Variants in SYNJ2 observed in about 807,000 individuals in gnomAD.
SYNJ2 encodes the protein polyphosphatidylinositol phosphatase SYNJ2.
SYNJ2 carries 116 observed loss-of-function variants against 141.3 expected under a neutral mutation model. That is an observed-to-expected ratio of 0.82 (90% CI 0.71 to 0.96). The LOEUF is 0.96. Among genes scored for constraint, SYNJ2 ranks in the 40% least tolerant of loss-of-function variants. The pLI is 0.00. For synonymous variants in SYNJ2, 745 were observed against 777.7 expected, an observed-to-expected ratio of 0.96 and a Z score of 0.70; for missense variants, 1,873 against 1,934.8, an observed-to-expected ratio of 0.97 and a Z score of 0.60.
chr6:158,010,991 G>A (rs1050868528), intron 1 of SYNJ2, among the ~76,000 whole-genome samples: 1 of 148,394 alleles, frequency 6.7e-6, no homozygotes, highest in African/African-American at 2.5e-5. Flanking sequence ...GTGATGATGG[G>A]AGGACATGTG....
In SYNJ2 at chr6:157,987,337, G is replaced by A. The variant is rs547548653; in HGVS notation, c.127+5249G>A. 1.4e-4 allele frequency among the ~76,000 whole-genome samples: 21 copies of A among 152,222 alleles called. No individual in the cohort carries two copies. The South Asian group carries it at 2.5e-3, about 18-fold the overall frequency. Reference sequence around the variant, plus strand: ...TGGGGTACAAAGTGATCATATATGTGTACAATGTGGAATGATTAAATCAAG... The same window carrying A: ...TGGGGTACAAAGTGATCATATATGTATACAATGTGGAATGATTAAATCAAG... On this transcript the variant is annotated intron_variant, in intron 1 of 26. Transcript: ENST00000355585.
chr6:158,057,585 T>C (rs1445165434), intron 6 of SYNJ2, among the ~76,000 whole-genome samples: 2 of 152,238 alleles, frequency 1.3e-5, no homozygotes, highest in African/African-American at 4.8e-5. Context: ...AGTTTGGGGT[T>C]GGGACAGCAT....
At chr6:158,066,666 T>A in intron 12 of SYNJ2, 31 bp downstream of exon 12, 1 of 1,608,228 alleles carries the variant, frequency 6.2e-7, no homozygotes, top group Non-Finnish European at 8.5e-7. Flanking sequence ...GGAGACAAAA[T>A]CCAATTGCAC....
intron 26 of SYNJ2, 143 bp downstream of exon 26, chr6:158,093,247 A>G: frequency 2.2e-6 from 2 of 890,036 alleles, no homozygotes; most frequent in Non-Finnish European, 1.7e-6. Context: ...CAGCCTGACC[A>G]ACATGGTGTG....
At chr6:158,011,939 T>C (rs908257010) in intron 1 of SYNJ2, among the ~76,000 whole-genome samples, 2 of 152,186 alleles carry the variant, frequency 1.3e-5, no homozygotes, top group Non-Finnish European at 2.9e-5. Flanking sequence ...TTTATTGCAT[T>C]TATCAGTTTA....
intron 25 of SYNJ2, 115 bp downstream of exon 25, chr6:158,090,062 A>G: frequency 1.5e-6 from 1 of 679,790 alleles, no homozygotes; most frequent in Non-Finnish European, 2.6e-6. Context: ...AGGCAATATT[A>G]AATGAAAACA....
At chr6:158,060,757 C>T (rs768190557) in intron 7 of SYNJ2, among the ~76,000 whole-genome samples, 7 of 152,218 alleles carry the variant, frequency 4.6e-5, no homozygotes, top group South Asian at 2.1e-4. Flanking sequence ...AGTCCTTTTC[C>T]CCTATGCCTT....
chr6:158,033,911 T>C (rs1032567184), intron 4 of SYNJ2, among the ~76,000 whole-genome samples: 2 of 152,252 alleles, frequency 1.3e-5, no homozygotes, highest in Admixed American at 1.3e-4. Context: ...GGGAAAATGC[T>C]GCTTAGCCGA....
At chr6:158,073,158 A>G (rs1032119723) in intron 15 of SYNJ2, among the ~76,000 whole-genome samples, 2 of 151,708 alleles carry the variant, frequency 1.3e-5, no homozygotes, top group Non-Finnish European at 2.9e-5. Context: ...GTTCTTTTCT[A>G]CCATAAAAAT....
At chr6:157,998,240 A>G (rs942982850) in intron 1 of SYNJ2, among the ~76,000 whole-genome samples, 2 of 152,336 alleles carry the variant, frequency 1.3e-5, no homozygotes, top group Non-Finnish European at 2.9e-5. Context: ...TGGGTCCCCA[A>G]GGAGCCAGAA....
intron 1 of SYNJ2, among the ~76,000 whole-genome samples, chr6:157,990,075 G>T (rs902536121): frequency 3.3e-5 from 5 of 152,228 alleles, no homozygotes; most frequent in African/African-American, 1.2e-4. Flanking sequence ...GGCCCGCGAG[G>T]CTGGCAGGCT....
rs1407476178 is a variant in SYNJ2, at chr6:158,096,528, T to C, written c.*164T>C. Reference sequence around the variant, plus strand: ...AAATCGTGTCTCTTATTCAGTAAGATGGTTACTCAGCCACCAAAATATATT... The same window carrying C: ...AAATCGTGTCTCTTATTCAGTAAGACGGTTACTCAGCCACCAAAATATATT... On this transcript the variant is annotated 3_prime_UTR_variant, in exon 27 of 27. Coordinates refer to ENST00000355585, the MANE Select transcript of SYNJ2 (RefSeq NM_003898.4). The C allele has an allele frequency of 8.2e-6, 6 of 729,718 alleles. No individual in the cohort carries two copies. In the Admixed American group the frequency reaches 1.7e-4, roughly 21 times the overall value. 45.2% of individuals were successfully genotyped at this position (729,718 alleles called of 1,614,324 possible).
Position 158,079,807 on chromosome 6 carries a change from AG to A in SYNJ2, c.2568-1298del, listed in dbSNP as rs200958580. Among the ~76,000 whole-genome samples, 1,517 of 152,314 alleles carry A rather than the reference AG, an allele frequency of 1.0e-2. 28 individuals carry two copies. Among genetic ancestry groups the A allele is most frequent in the African/African-American group, 0.034 (1,419 of 41,560 alleles). ...ACCTTAATTTAACCAATATTTCTTG[AG>A]GGGCCCTTACATGCCAGGCCCTGTT... On this transcript the variant is annotated intron_variant, in intron 18 of 26. Coordinates refer to ENST00000355585, the MANE Select transcript of SYNJ2 (RefSeq NM_003898.4).
At chr6:158,000,268 C>T (rs1346335112) in intron 1 of SYNJ2, among the ~76,000 whole-genome samples, 1 of 151,974 alleles carries the variant, frequency 6.6e-6, no homozygotes, top group African/African-American at 2.4e-5. Flanking sequence ...GGCCTCTGTA[C>T]GTAAGAGCAG....
intron 15 of SYNJ2, among the ~76,000 whole-genome samples, chr6:158,072,350 G>A (rs3003556): frequency 0.52 from 79,090 of 152,114 alleles, 20,856 homozygotes; most frequent in East Asian, 0.63. Flanking sequence ...GTGGCGGTCC[G>A]GAGGGTTTCA....
At chr6:158,067,502 G>A in intron 12 of SYNJ2, 1 of 985,472 alleles carries the variant, frequency 1.0e-6, no homozygotes, top group Non-Finnish European at 1.2e-6. Context: ...CCAGAACTTA[G>A]GATCTGAAGA....
chr6:158,042,788 C>T (rs1288531431), intron 4 of SYNJ2, among the ~76,000 whole-genome samples: 1 of 152,178 alleles, frequency 6.6e-6, no homozygotes, highest in African/African-American at 2.4e-5. Flanking sequence ...GGGCCAGGAC[C>T]AAGTACAAGA....
intron 5 of SYNJ2, among the ~76,000 whole-genome samples, chr6:158,052,512 C>G (rs1378586397): frequency 6.6e-6 from 1 of 152,128 alleles, no homozygotes; most frequent in East Asian, 1.9e-4. Flanking sequence ...TGGGGAGGGT[C>G]TCAGGAAGCT....
chr6:157,999,861 C>G (rs2128319208), intron 1 of SYNJ2, among the ~76,000 whole-genome samples: 1 of 152,286 alleles, frequency 6.6e-6, no homozygotes, highest in Admixed American at 6.5e-5. Flanking sequence ...GACCTGTTCT[C>G]TTTCGAGCCG....
Sources: gnomAD v4.1 joint callset for allele counts (sites outside exome capture counted in the v4.1 genomes callset) on GRCh38, gnomAD v4.1.1 for gene constraint, MANE v1.5 for transcripts, NCBI Gene and HGNC (gene_info 2026-07-23, HGNC 2026-07-21) for gene names.